ZFR: variants seen among roughly 807,000 people sequenced by gnomAD.
ZFR encodes the protein zinc finger RNA binding protein, also known as zinc finger RNA-binding protein.
Under a neutral mutation model 130.7 loss-of-function variants are expected in ZFR, and 19 were observed. The ratio of observed to expected loss-of-function variants is 0.15; its 90% CI spans 0.10 to 0.21. The LOEUF (loss-of-function observed/expected upper bound fraction) is 0.21, where lower values mean the gene tolerates loss of function less well. Ranked by LOEUF, ZFR falls within the 10% of genes least tolerant of loss-of-function variation. The pLI, the probability that ZFR is intolerant of heterozygous loss-of-function variation, is 1.00. For missense variants in ZFR, 872 were observed against 1,321.5 expected (o/e 0.66, Z 5.27); for synonymous variants, 466 against 456.9 (o/e 1.02, Z -0.25).
intron 2 of ZFR, among the ~76,000 whole-genome samples, chr5:32,439,804 TAAAAA>T (rs11446399): frequency 1.4e-4 from 10 of 72,458 alleles, no homozygotes; most frequent in Non-Finnish European, 1.8e-4. Flanking sequence ...ACCATGTCTT[TAAAAA>T]AAAAAAAAAA....
intron 17 of ZFR, among the ~76,000 whole-genome samples, chr5:32,365,269 A>G (rs754002639): frequency 9.2e-5 from 14 of 152,222 alleles, no homozygotes; most frequent in Non-Finnish European, 1.9e-4. Flanking sequence ...CATTAGTGAG[A>G]ATCCATACTT....
At chr5:32,415,525 C>CGCATGT (rs1554073635) in intron 4 of ZFR, among the ~76,000 whole-genome samples, 1 of 133,672 alleles carries the variant, frequency 7.5e-6, no homozygotes, top group African/African-American at 2.9e-5. Flanking sequence ...TGCGCGCGCG[C>CGCATGT]GCGCGCGCAC....
chr5:32,405,326 G>C (rs896152313), intron 6 of ZFR, among the ~76,000 whole-genome samples: 2 of 152,158 alleles, frequency 1.3e-5, no homozygotes, highest in South Asian at 2.1e-4. Context: ...CCCAAAAGCT[G>C]AATCAACTTA....
intron 2 of ZFR, among the ~76,000 whole-genome samples, chr5:32,424,130 T>A (rs751466060): frequency 6.6e-6 from 1 of 151,944 alleles, no homozygotes; most frequent in Non-Finnish European, 1.5e-5. Flanking sequence ...TGAGTATAGA[T>A]TGGAATTAGG....
At chr5:32,402,759 C>CA (rs2111773934) in intron 8 of ZFR, among the ~76,000 whole-genome samples, 1 of 143,188 alleles carries the variant, frequency 7.0e-6, no homozygotes, top group South Asian at 2.3e-4. Flanking sequence ...GCCTCGGTGA[C>CA]AGAGTGGGGC....
At chr5:32,423,329 C>CA (rs929216631) in intron 2 of ZFR, among the ~76,000 whole-genome samples, 6 of 151,318 alleles carry the variant, frequency 4.0e-5, no homozygotes, top group Admixed American at 6.6e-5. Flanking sequence ...ACCCCTGTCT[C>CA]AAAAAAAATT....
At chr5:32,374,025 G>A (rs1752738788) in intron 17 of ZFR, among the ~76,000 whole-genome samples, 1 of 152,170 alleles carries the variant, frequency 6.6e-6, no homozygotes, top group South Asian at 2.1e-4. Context: ...CCAATCTGCA[G>A]TGCTGAAAAT....
At chr5:32,420,129 T>C (rs764813288) in intron 2 of ZFR, 26 bp from the exon 3 acceptor site, 3 of 1,461,488 alleles carry the variant, frequency 2.1e-6, no homozygotes, top group East Asian at 4.7e-5. Flanking sequence ...CAAGAATAAA[T>C]ATAATACAAT....
chr5:32,421,440 G>A (rs1314686159), intron 2 of ZFR, among the ~76,000 whole-genome samples: 1 of 152,114 alleles, frequency 6.6e-6, no homozygotes, highest in Non-Finnish European at 1.5e-5. Flanking sequence ...TAAAATTTGG[G>A]GCTATCATAT....
chr5:32,378,992 A>G, intron 17 of ZFR, 123 bp downstream of exon 17: 1 of 677,920 alleles, frequency 1.5e-6, no homozygotes, highest in East Asian at 3.0e-5. Context: ...ATTTTTCATC[A>G]GAAAAGAAAA....
At chr5:32,361,423 G>C (rs924660568) in intron 19 of ZFR, among the ~76,000 whole-genome samples, 5 of 152,100 alleles carry the variant, frequency 3.3e-5, no homozygotes. Flanking sequence ...AACTTCCCAG[G>C]TGAGAACTAG....
chr5:32,415,513 T>TGC (rs1349570905), intron 4 of ZFR, among the ~76,000 whole-genome samples: 90 of 92,302 alleles, frequency 9.8e-4, no homozygotes, highest in African/African-American at 2.9e-3. Context: ...TGTGTGTGTG[T>TGC]GTGCGCGCGC....
At chr5:32,378,910 A>G (rs959528792) in intron 17 of ZFR, among the ~76,000 whole-genome samples, 2 of 152,118 alleles carry the variant, frequency 1.3e-5, no homozygotes, top group Non-Finnish European at 2.9e-5. Context: ...AAAACACACA[A>G]AGAGAAACAT....
At chr5:32,398,057 C>T (rs949105438) in intron 9 of ZFR, among the ~76,000 whole-genome samples, 5 of 150,046 alleles carry the variant, frequency 3.3e-5, no homozygotes, top group African/African-American at 1.2e-4. Flanking sequence ...GGGGTTTCAC[C>T]GTGTTAGCCA....
At position 32,403,178 on chromosome 5, in the gene ZFR, T is replaced by C. The variant is rs1348114195; in HGVS notation, c.1444A>G (p.Asn482Asp). ...TGNSSLNSTS[N>D]TKVSAVPTNM... The stretch of plus-strand genomic sequence containing the variant: ...GTAGGCACTGCTGATACTTTAGTGT[T>C]AGATGTGCTATTAAGAGACGAGTTT... The change falls in exon 8 of 20, where the codon AAC becomes GAC. Residue 482 changes from asparagine to aspartate, a missense_variant. Asn to Asp is a conservative substitution (Grantham distance 23). Around this residue, in one of 7 missense-constraint regions of ZFR, gnomAD observed 143 missense variants for 137.9 expected, o/e 1.04. Transcript: ENST00000265069. 7 of 1,614,072 alleles carry C rather than the reference T, an allele frequency of 4.3e-6. No individual in the cohort carries two copies. Among genetic ancestry groups the C allele is most frequent in the African/African-American group, 1.3e-5 (1 of 74,930 alleles).
chr5:32,360,443 A>C (rs1752407488), intron 19 of ZFR, among the ~76,000 whole-genome samples: 1 of 152,176 alleles, frequency 6.6e-6, no homozygotes, highest in Non-Finnish European at 1.5e-5. Flanking sequence ...TATTTCATAT[A>C]AACGAGATAA....
intron 19 of ZFR, among the ~76,000 whole-genome samples, chr5:32,356,213 G>C (rs1752304160): frequency 6.6e-6 from 1 of 151,904 alleles, no homozygotes; most frequent in Non-Finnish European, 1.5e-5. Context: ...ATTATGAGAA[G>C]TGACATCAAA....
At chr5:32,373,256 G>A (rs1190655800) in intron 17 of ZFR, among the ~76,000 whole-genome samples, 1 of 152,092 alleles carries the variant, frequency 6.6e-6, no homozygotes, top group Non-Finnish European at 1.5e-5. Context: ...AGTCAGGCGT[G>A]GTGGTGCATG....
At chr5:32,374,115 A>G (rs147986635) in intron 17 of ZFR, among the ~76,000 whole-genome samples, 75 of 152,308 alleles carry the variant, frequency 4.9e-4, no homozygotes, top group African/African-American at 1.7e-3. Flanking sequence ...ACTACAACAG[A>G]GATAGCTTCA....
Sources: allele counts gnomAD v4.1 joint callset (sites outside exome capture counted in the v4.1 genomes callset), GRCh38; gene constraint gnomAD v4.1.1; regional missense constraint gnomAD v4.1.1; transcripts MANE v1.5; gene names NCBI Gene and HGNC (gene_info 2026-07-23, HGNC 2026-07-21).